The following GRIK4 variants were observed in gnomAD, a reference collection of about 807,000 sequenced individuals.
The protein encoded by GRIK4 is glutamate ionotropic receptor kainate type subunit 4.
Under a neutral mutation model 104.9 loss-of-function variants are expected in GRIK4, and 40 were observed. That is an observed-to-expected ratio of 0.38 (90% confidence interval 0.30 to 0.50). GRIK4 has a LOEUF of 0.50. GRIK4 is among the 20% of genes least tolerant of loss of function. The probability of loss-of-function intolerance (pLI) is 0.93; values close to 1 mark genes in which losing one functional copy is unlikely to be tolerated. For synonymous variants in GRIK4, 485 were observed against 524.9 expected, an observed-to-expected ratio of 0.92 and a Z score of 1.04; for missense variants, 1,047 against 1,308.1, an observed-to-expected ratio of 0.80 and a Z score of 3.08.
chr11:120,833,950 T>G (rs7114615), intron 7 of GRIK4, among the ~76,000 whole-genome samples: 122,727 of 152,146 alleles, frequency 0.81, 49,587 homozygotes, highest in East Asian at 0.83. Context: ...TCATACAGAG[T>G]TCCCATAATT....
chr11:120,886,390 A>G (rs115971884), intron 11 of GRIK4, among the ~76,000 whole-genome samples: 1,917 of 152,304 alleles, frequency 0.013, 33 homozygotes, highest in African/African-American at 0.043. Flanking sequence ...CCTACCTACA[A>G]GAACCAGTGA....
chr11:120,715,440 C>T (rs1468435888), intron 3 of GRIK4, among the ~76,000 whole-genome samples: 1 of 152,174 alleles, frequency 6.6e-6, no homozygotes, highest in Non-Finnish European at 1.5e-5. Flanking sequence ...ATTGGAAGCT[C>T]ATGAACCCCC....
At chr11:120,726,452 T>C (rs1951029009) in intron 3 of GRIK4, among the ~76,000 whole-genome samples, 2 of 152,136 alleles carry the variant, frequency 1.3e-5, no homozygotes, top group African/African-American at 4.8e-5. Context: ...GCAGTGTTGA[T>C]GGTAAAAAGC....
At chr11:120,787,293 C>T (rs1043127314) in intron 3 of GRIK4, among the ~76,000 whole-genome samples, 1 of 152,038 alleles carries the variant, frequency 6.6e-6, no homozygotes, top group African/African-American at 2.4e-5. Flanking sequence ...CGCACCACTG[C>T]ACTCCAGCCT....
intron 3 of GRIK4, among the ~76,000 whole-genome samples, chr11:120,747,337 C>G (rs770085018): frequency 1.3e-5 from 2 of 152,202 alleles, no homozygotes; most frequent in Non-Finnish European, 2.9e-5. Context: ...CACTGGGCAA[C>G]TTCAGTTCTG....
intron 1 of GRIK4, among the ~76,000 whole-genome samples, chr11:120,605,135 C>T (rs776436964): frequency 3.9e-5 from 6 of 152,192 alleles, no homozygotes; most frequent in Non-Finnish European, 5.9e-5. Flanking sequence ...GCGCACAGCA[C>T]AGCCAAGTCT....
intron 19 of GRIK4, among the ~76,000 whole-genome samples, chr11:120,968,812 G>A (rs547717416): frequency 2.4e-4 from 36 of 152,288 alleles, no homozygotes; most frequent in Admixed American, 2.2e-3. Context: ...GCAGCACTGA[G>A]CCCTCATTCC....
chr11:120,698,694 G>A (rs1001253200), intron 3 of GRIK4, among the ~76,000 whole-genome samples: 4 of 152,148 alleles, frequency 2.6e-5, no homozygotes, highest in African/African-American at 7.2e-5. Context: ...TGTGCTGCCA[G>A]TTTGCAGTGC....
intron 5 of GRIK4, among the ~76,000 whole-genome samples, chr11:120,818,734 G>A (rs1356457135): frequency 6.6e-6 from 1 of 152,192 alleles, no homozygotes; most frequent in Non-Finnish European, 1.5e-5. Context: ...GGCCAGAGCA[G>A]GCAGAGACAA....
intron 1 of GRIK4, among the ~76,000 whole-genome samples, chr11:120,523,702 G>T (rs1049971049): frequency 2.6e-5 from 4 of 152,140 alleles, no homozygotes; most frequent in African/African-American, 9.7e-5. Context: ...GTCTGCCTTC[G>T]TCTCTTTAGC....
chr11:120,585,800 G>A (rs1229226787), intron 1 of GRIK4, among the ~76,000 whole-genome samples: 1 of 151,076 alleles, frequency 6.6e-6, no homozygotes, highest in Admixed American at 6.6e-5. Context: ...CTCTAGATAC[G>A]TTTTTGAGAT....
intron 14 of GRIK4, among the ~76,000 whole-genome samples, chr11:120,944,892 C>G (rs1943819729): frequency 1.3e-5 from 2 of 148,816 alleles, no homozygotes; most frequent in Admixed American, 1.3e-4. Flanking sequence ...ATGTAATACA[C>G]TCATAGCAGT....
At chr11:120,630,899 GAA>G (rs1949325215) in intron 1 of GRIK4, among the ~76,000 whole-genome samples, 1 of 152,154 alleles carries the variant, frequency 6.6e-6, no homozygotes, top group Non-Finnish European at 1.5e-5. Context: ...TGTAAAATGA[GAA>G]AGTGTACCTG....
intron 11 of GRIK4, chr11:120,894,488 A>G (rs1942515485): frequency 6.6e-6 from 1 of 152,198 alleles, no homozygotes; most frequent in Non-Finnish European, 1.5e-5. Flanking sequence ...TCTTATCTGC[A>G]TTAAGATGCT....
Position 120,903,266 on chromosome 11 carries a change from C to A in GRIK4, c.1273-2024C>A, listed in dbSNP as rs2134500587. Among the ~76,000 whole-genome samples the A allele has an allele frequency of 6.6e-6, 1 of 152,266 alleles. No individual in the cohort carries two copies. The highest frequency in any genetic ancestry group is 6.5e-5 in the Admixed American group (1 of 15,300). ...GCCGGGCCTTGGTAATCCCTGAGCC[C>A]AGCTCTCCTCTGTCCCTGTCGCATC... On this transcript the variant is annotated intron_variant, in intron 12 of 20. Transcript: ENST00000527524. This position sits in a 1 kb window ranked among gnomAD's most constrained non-coding sequence, Gnocchi z 4.4.
intron 3 of GRIK4, among the ~76,000 whole-genome samples, chr11:120,680,998 C>T (rs1346512855): frequency 1.3e-5 from 2 of 152,156 alleles, no homozygotes; most frequent in Non-Finnish European, 2.9e-5. Context: ...GGCCCCTGCA[C>T]TGCCTGGCCC....
rs370156531 is a variant in GRIK4 at position 120,790,645 on chromosome 11, A to C, written c.83-12048A>C. Reference sequence around the variant, plus strand: ...AAGACATGTTGGGGCCAGACTGTGGAGGGCCTGAGGGCCAGGCAGGTGCAT... The same window carrying C: ...AAGACATGTTGGGGCCAGACTGTGGCGGGCCTGAGGGCCAGGCAGGTGCAT... On this transcript the variant is annotated intron_variant, in intron 3 of 20. Transcript: ENST00000527524. Among the ~76,000 whole-genome samples, 115 of 152,324 alleles carry C rather than the reference A, an allele frequency of 7.5e-4. 4 individuals are homozygous for C. In the South Asian group the frequency reaches 0.023, roughly 30 times the overall value.
chr11:120,772,331 C>T (rs1029681373), intron 3 of GRIK4, among the ~76,000 whole-genome samples: 2 of 152,096 alleles, frequency 1.3e-5, no homozygotes, highest in African/African-American at 4.8e-5. Context: ...ATTACACAGC[C>T]AGTATATTAG....
chr11:120,824,553 CTTTTTTT>C (rs763907708), intron 6 of GRIK4, among the ~76,000 whole-genome samples: 1 of 128,894 alleles, frequency 7.8e-6, no homozygotes, highest in South Asian at 2.5e-4. Context: ...TTTTTCTTTT[CTTTTTTT>C]TTTTTTTTTG....
Sources: gnomAD v4.1 joint callset for allele counts (sites outside exome capture counted in the v4.1 genomes callset) on GRCh38, gnomAD v4.1.1 for gene constraint, Gnocchi (gnomAD v3.1) non-coding constraint, MANE v1.5 for transcripts, NCBI Gene and HGNC (gene_info 2026-07-23, HGNC 2026-07-21) for gene names.